Variants in ARHGAP29 observed in about 807,000 individuals in gnomAD.
ARHGAP29 encodes Rho GTPase activating protein 29.
A neutral mutation model predicts 122.6 loss-of-function variants in ARHGAP29; 43 were observed. The observed-to-expected ratio is 0.35, with a 90% CI of 0.27 to 0.45. ARHGAP29 has a LOEUF of 0.45. Ranked by LOEUF, ARHGAP29 falls within the 20% of genes least tolerant of loss-of-function variation. The pLI is 1.00. For synonymous variants in ARHGAP29, 506 were observed against 497.1 expected (o/e 1.02, Z -0.24); for missense variants, 1,303 against 1,477.2 (o/e 0.88, Z 1.93).
At chr1:94,232,498 A>C (rs1652981469) in intron 1 of ARHGAP29, among the ~76,000 whole-genome samples, 1 of 152,216 alleles carries the variant, frequency 6.6e-6, no homozygotes, top group Non-Finnish European at 1.5e-5. Flanking sequence ...TCATCAGAGC[A>C]ATATTTTTGA....
At chr1:94,185,176 T>C in intron 17 of ARHGAP29, 116 bp from the exon 18 acceptor site, 5 of 1,211,552 alleles carry the variant, frequency 4.1e-6, no homozygotes, top group East Asian at 2.7e-5. Flanking sequence ...CTTGCGCTAT[T>C]TGAAACAGAT....
chr1:94,308,002 C>G, the ARHGAP29 span, among the ~76,000 whole-genome samples: 8 of 152,190 alleles, frequency 5.3e-5, no homozygotes, highest in African/African-American at 1.9e-4. Context: ...CAAGGATTAA[C>G]ATTACTCTCT....
chr1:94,182,688 T>A (rs1244341996), intron 19 of ARHGAP29, among the ~76,000 whole-genome samples: 1 of 152,136 alleles, frequency 6.6e-6, no homozygotes, highest in Non-Finnish European at 1.5e-5. Flanking sequence ...GTCCACACTA[T>A]CAACACTTAT....
At chr1:94,199,003 A>C (rs1650654446) in intron 12 of ARHGAP29, among the ~76,000 whole-genome samples, 1 of 152,204 alleles carries the variant, frequency 6.6e-6, no homozygotes, top group Non-Finnish European at 1.5e-5. Context: ...CGAGAACCAA[A>C]CACCACATGT....
the ARHGAP29 span, among the ~76,000 whole-genome samples, chr1:94,298,695 C>T: frequency 6.6e-6 from 1 of 151,896 alleles, no homozygotes; most frequent in Non-Finnish European, 1.5e-5. Flanking sequence ...GGTTAAGGAC[C>T]TATAATGCTA....
At position 94,173,802 on chromosome 1, in the gene ARHGAP29, T is replaced by C; in HGVS notation, c.*67A>G. ...AAAGAGGCCCTGTCAAAACATTCTTTCACAAAACAAGCACAATACCACAAA... is the reference window on the plus strand; with the variant it reads ...AAAGAGGCCCTGTCAAAACATTCTTCCACAAAACAAGCACAATACCACAAA... On this transcript the variant is annotated 3_prime_UTR_variant, in exon 23 of 23. Coordinates refer to ENST00000260526, the MANE Select transcript of ARHGAP29 (RefSeq NM_004815.4). The C allele has an allele frequency of 6.6e-7, 1 of 1,514,740 alleles. No individual in the cohort carries two copies. Among genetic ancestry groups the C allele is most frequent in the Middle Eastern group, 1.8e-4 (1 of 5,614 alleles). The allele number at this position is 1,514,740 out of a possible 1,614,324, so 93.8% of individuals were successfully genotyped here. A position where few individuals can be genotyped will look rare whatever the true frequency, so the allele number is the denominator to read the frequency against.
chr1:94,281,255 A>C, the ARHGAP29 span, among the ~76,000 whole-genome samples: 3 of 152,204 alleles, frequency 2.0e-5, no homozygotes, highest in Non-Finnish European at 2.9e-5. Flanking sequence ...ACATTGATAC[A>C]TGTATACACA....
chr1:94,185,300 A>G, intron 17 of ARHGAP29, 42 bp downstream of exon 17: 1 of 1,516,700 alleles, frequency 6.6e-7, no homozygotes, highest in South Asian at 1.4e-5. Flanking sequence ...AGTATAAAAC[A>G]AAAAGCATAA....
intron 1 of ARHGAP29, among the ~76,000 whole-genome samples, chr1:94,246,121 C>T (rs1240417707): frequency 1.3e-5 from 2 of 152,192 alleles, no homozygotes; most frequent in African/African-American, 2.4e-5. Flanking sequence ...CAAGTTCACT[C>T]TTAAACTCTT....
intron 1 of ARHGAP29, among the ~76,000 whole-genome samples, chr1:94,251,857 C>T (rs1179451815): frequency 6.6e-6 from 1 of 152,212 alleles, no homozygotes; most frequent in East Asian, 1.9e-4. Flanking sequence ...AATTTTTGCA[C>T]TTATCCCTCT....
intron 3 of ARHGAP29, among the ~76,000 whole-genome samples, chr1:94,216,945 G>A (rs1651984810): frequency 6.6e-6 from 1 of 151,822 alleles, no homozygotes; most frequent in Non-Finnish European, 1.5e-5. Context: ...GAATGAATGG[G>A]AAAAAAATTA....
Position 94,231,520 on chromosome 1 carries a change from A to G in ARHGAP29, c.92T>C (p.Leu31Pro). The G allele has an allele frequency of 6.2e-7, 1 of 1,613,850 alleles. No homozygotes were observed. The highest frequency in any genetic ancestry group is 8.5e-7 in the Non-Finnish European group (1 of 1,179,768). ...AATAGAGTTGGAACTTAAGGACTTG[A>G]GCCCCATTTCAGAAGTTGTAATATC... ...STDITTSEMG[L>P]KSLSSNSIFD... Residue 31 changes from leucine to proline, a missense_variant, in exon 2 of 23, where the codon CTC becomes CCC. Leu to Pro is a moderately conservative substitution (Grantham distance 98). Coordinates refer to ENST00000260526, the MANE Select transcript of ARHGAP29 (RefSeq NM_004815.4).
the ARHGAP29 span, among the ~76,000 whole-genome samples, chr1:94,290,187 C>A: frequency 6.6e-6 from 1 of 152,024 alleles, no homozygotes; most frequent in Non-Finnish European, 1.5e-5. Flanking sequence ...TTGGTCTATT[C>A]AGGTGTTTAT....
At chr1:94,180,435 T>A (rs1557840133) in intron 19 of ARHGAP29, among the ~76,000 whole-genome samples, 1 of 152,192 alleles carries the variant, frequency 6.6e-6, no homozygotes, top group South Asian at 2.1e-4. Flanking sequence ...ACACCTTGAA[T>A]TGCCATAAAT....
intron 12 of ARHGAP29, chr1:94,191,540 A>G (rs573386580): frequency 6.6e-6 from 1 of 152,178 alleles, no homozygotes; most frequent in East Asian, 1.9e-4. Flanking sequence ...TTCAAACTGC[A>G]TAAGGTACAG....
At chr1:94,310,123 T>C in the ARHGAP29 span, among the ~76,000 whole-genome samples, 2 of 152,316 alleles carry the variant, frequency 1.3e-5, no homozygotes, top group Non-Finnish European at 2.9e-5. Flanking sequence ...CCTTGCTATT[T>C]AATATCGGTA....
In ARHGAP29 at chr1:94,184,876, A is replaced by G. The variant is rs141850321; in HGVS notation, c.2105T>C (p.Leu702Pro). Reference protein sequence around the residue: ...ASEIENRALCLQGIYRVCGNK... With the variant: ...ASEIENRALCPQGIYRVCGNK... ...ATTTTAAGAGTTATAATGTACCTGT[A>G]GACACAAAGCTCTATTTTCAATCTC... Residue 702 changes from leucine (L) to proline (P), a missense_variant, in exon 18 of 23, where the codon CTA becomes CCA. By Grantham distance (98) the Leu-to-Pro change is moderately conservative. Around this residue, in one of 3 missense-constraint regions of ARHGAP29, gnomAD observed 91 missense variants for 177.8 expected, o/e 0.51. Coordinates refer to ENST00000260526, the MANE Select transcript of ARHGAP29 (RefSeq NM_004815.4). 6.3e-7 allele frequency: 1 copy of G among 1,589,938 alleles called. No homozygotes were observed. Among genetic ancestry groups the G allele is most frequent in the Non-Finnish European group, 8.5e-7 (1 of 1,171,584 alleles).
At chr1:94,307,040 A>G in the ARHGAP29 span, among the ~76,000 whole-genome samples, 1 of 152,242 alleles carries the variant, frequency 6.6e-6, no homozygotes, top group African/African-American at 2.4e-5. Context: ...TATTTGGTGA[A>G]AGAAAAACAC....
the ARHGAP29 span, among the ~76,000 whole-genome samples, chr1:94,292,620 A>G: frequency 2.6e-5 from 4 of 152,014 alleles, no homozygotes; most frequent in Admixed American, 6.6e-5. Context: ...GATGTTGGTG[A>G]CCTACGGATG....
Sources: allele counts gnomAD v4.1 joint callset (sites outside exome capture counted in the v4.1 genomes callset), GRCh38; gene constraint gnomAD v4.1.1; regional missense constraint gnomAD v4.1.1; transcripts MANE v1.5; gene names NCBI Gene and HGNC (gene_info 2026-07-23, HGNC 2026-07-21).